The following CTNNA3 variants were observed in gnomAD, a reference collection of about 807,000 sequenced individuals.
CTNNA3 encodes catenin alpha 3, also known as catenin alpha-3.
In CTNNA3, 76 loss-of-function variants were observed where a neutral mutation model predicts 95.7. That is an observed-to-expected ratio of 0.79 (90% CI 0.66 to 0.96). The LOEUF is 0.96. Ranked by LOEUF, CTNNA3 falls within the 40% of genes least tolerant of loss-of-function variation. The probability of loss-of-function intolerance (pLI) is 0.00; values close to 1 mark genes in which losing one functional copy is unlikely to be tolerated. For missense variants in CTNNA3, 1,191 were observed against 1,089.8 expected (o/e 1.09, Z -1.31); for synonymous variants, 431 against 374.4 (o/e 1.15, Z -1.74).
intron 9 of CTNNA3, among the ~76,000 whole-genome samples, chr10:66,642,255 TAC>T (rs745693900): frequency 5.5e-4 from 63 of 114,638 alleles, no homozygotes; most frequent in East Asian, 1.2e-3. Context: ...TTCTTTAAAA[TAC>T]ACACACACAC....
chr10:66,505,818 G>A (rs17179615), intron 11 of CTNNA3, among the ~76,000 whole-genome samples: 23,201 of 152,084 alleles, frequency 0.15, 1,850 homozygotes, highest in Non-Finnish European at 0.17. Context: ...GTTGGCGTCT[G>A]GAGATGGTGT....
chr10:67,190,616 C>A (rs1047130774), intron 6 of CTNNA3, among the ~76,000 whole-genome samples: 17 of 151,920 alleles, frequency 1.1e-4, no homozygotes, highest in African/African-American at 3.9e-4. Context: ...TATTAATCAA[C>A]TAATTATTTT....
chr10:67,317,716 G>T (rs561331315), intron 5 of CTNNA3, among the ~76,000 whole-genome samples: 1 of 152,008 alleles, frequency 6.6e-6, no homozygotes, highest in Non-Finnish European at 1.5e-5. Context: ...GAGCCACCGC[G>T]CCTGGCCATC....
At chr10:67,638,299 A>T (rs1589519427) in intron 2 of CTNNA3, among the ~76,000 whole-genome samples, 1 of 152,344 alleles carries the variant, frequency 6.6e-6, no homozygotes, top group East Asian at 1.9e-4. Flanking sequence ...GGATCAATTC[A>T]ACAAGAAGAG....
At position 66,996,649 on chromosome 10, in the gene CTNNA3, C is replaced by CAAAAAAAAAAAAAA. The variant is rs57025097; in HGVS notation, c.1047+183654_1047+183667dup. Among the ~76,000 whole-genome samples the CAAAAAAAAAAAAAA allele has an allele frequency of 8.0e-3, 544 of 67,632 alleles. 110 individuals are homozygous for CAAAAAAAAAAAAAA. Among genetic ancestry groups the CAAAAAAAAAAAAAA allele is most frequent in the Admixed American group, 0.047 (173 of 3,662 alleles). 44.4% of individuals were successfully genotyped at this position (67,632 alleles called of 152,430 possible). A position where few individuals can be genotyped will look rare whatever the true frequency, so the allele number is the denominator to read the frequency against. On this transcript the variant is annotated intron_variant, in intron 7 of 17. Transcript: ENST00000433211. Reference sequence around the variant, plus strand: ...GTGAGAGAGTGAGACTCCGTCTCTACAAAAAAAAAAAAAAAAAAAAAAGCA... The same window carrying CAAAAAAAAAAAAAA: ...GTGAGAGAGTGAGACTCCGTCTCTACAAAAAAAAAAAAAAAAAAAAAAAAAAAAAAAAAAAAGCA...
intron 9 of CTNNA3, among the ~76,000 whole-genome samples, chr10:66,729,403 G>C (rs952332897): frequency 2.0e-5 from 3 of 152,234 alleles, no homozygotes; most frequent in Non-Finnish European, 2.9e-5. Context: ...ATTCCTCAAA[G>C]ATCTAGAGGC....
At chr10:66,135,303 T>C (rs924524001) in intron 13 of CTNNA3, among the ~76,000 whole-genome samples, 9 of 152,128 alleles carry the variant, frequency 5.9e-5, no homozygotes, top group Admixed American at 5.9e-4. Context: ...ACGTTGAATA[T>C]TTTGTTGGGC....
intron 6 of CTNNA3, among the ~76,000 whole-genome samples, chr10:67,212,475 C>G (rs578074618): frequency 6.6e-6 from 1 of 151,842 alleles, no homozygotes; most frequent in Non-Finnish European, 1.5e-5. Flanking sequence ...GTTTTGGTAT[C>G]ATTCATATTG....
At chr10:67,166,680 C>A (rs928355534) in intron 7 of CTNNA3, among the ~76,000 whole-genome samples, 1 of 152,166 alleles carries the variant, frequency 6.6e-6, no homozygotes, top group Admixed American at 6.5e-5. Flanking sequence ...TAGGCTATTC[C>A]CTACATTTGT....
At chr10:66,358,820 A>G (rs936929392) in intron 12 of CTNNA3, among the ~76,000 whole-genome samples, 1 of 152,172 alleles carries the variant, frequency 6.6e-6, no homozygotes, top group African/African-American at 2.4e-5. Flanking sequence ...AATTTAAATA[A>G]TGTTTAGATT....
chr10:66,703,887 G>A (rs972260089), intron 9 of CTNNA3, among the ~76,000 whole-genome samples: 1 of 152,134 alleles, frequency 6.6e-6, no homozygotes, highest in East Asian at 1.9e-4. Context: ...TGGCAAATTT[G>A]TCAATGAATT....
At chr10:67,168,625 C>T (rs913909336) in intron 7 of CTNNA3, among the ~76,000 whole-genome samples, 1 of 152,138 alleles carries the variant, frequency 6.6e-6, no homozygotes, top group African/African-American at 2.4e-5. Context: ...ATTGAAGGAA[C>T]ATACATCAAA....
intron 10 of CTNNA3, among the ~76,000 whole-genome samples, chr10:66,591,472 C>G (rs1481422207): frequency 1.3e-5 from 2 of 152,074 alleles, no homozygotes; most frequent in African/African-American, 4.8e-5. Flanking sequence ...AATAAAATCT[C>G]AAAATCATTA....
chr10:66,164,246 T>C (rs2085005414), intron 13 of CTNNA3, among the ~76,000 whole-genome samples: 1 of 152,310 alleles, frequency 6.6e-6, no homozygotes, highest in South Asian at 2.1e-4. Context: ...CCAAATATGA[T>C]GTATATAGTA....
intron 11 of CTNNA3, among the ~76,000 whole-genome samples, chr10:66,485,828 C>T (rs1161820173): frequency 6.6e-6 from 1 of 152,134 alleles, no homozygotes; most frequent in Non-Finnish European, 1.5e-5. Context: ...ATCACACTAT[C>T]TGACTTCAAG....
At chr10:66,039,394 T>C (rs941947291) in intron 15 of CTNNA3, among the ~76,000 whole-genome samples, 5 of 152,118 alleles carry the variant, frequency 3.3e-5, no homozygotes, top group Admixed American at 2.0e-4. Context: ...TATTTTGAAA[T>C]TCATATGAAA....
intron 7 of CTNNA3, among the ~76,000 whole-genome samples, chr10:67,056,063 T>C (rs1428775178): frequency 1.3e-5 from 2 of 152,106 alleles, no homozygotes; most frequent in Admixed American, 6.6e-5. Context: ...GAAGAATGCT[T>C]GTAAAGTATT....
At chr10:67,284,344 A>G (rs1839512043) in intron 5 of CTNNA3, among the ~76,000 whole-genome samples, 1 of 152,200 alleles carries the variant, frequency 6.6e-6, no homozygotes, top group South Asian at 2.1e-4. Context: ...GAGTGAATTG[A>G]TTTAACGGAG....
At chr10:67,082,997 G>T (rs1317453605) in intron 7 of CTNNA3, among the ~76,000 whole-genome samples, 1 of 152,156 alleles carries the variant, frequency 6.6e-6, no homozygotes, top group African/African-American at 2.4e-5. Context: ...CTATAGTCAT[G>T]AGTTCTACCA....
Sources: allele counts gnomAD v4.1 joint callset (sites outside exome capture counted in the v4.1 genomes callset), GRCh38; gene constraint gnomAD v4.1.1; transcripts MANE v1.5; gene names NCBI Gene and HGNC (gene_info 2026-07-23, HGNC 2026-07-21).